VHL: variants seen among roughly 807,000 people sequenced by gnomAD.
VHL encodes von Hippel-Lindau disease tumor suppressor.
VHL carries 10 observed loss-of-function variants against 19.2 expected under a neutral mutation model. That is an observed-to-expected ratio of 0.52 (90% CI 0.32 to 0.89). The LOEUF is 0.89. Ranked by LOEUF, VHL falls within the 40% of genes least tolerant of loss-of-function variation. The probability of loss-of-function intolerance (pLI) is 0.03; values close to 1 mark genes in which losing one functional copy is unlikely to be tolerated. For missense variants in VHL, 328 were observed against 292.7 expected (o/e 1.12, Z -0.88); for synonymous variants, 167 against 129.5 (o/e 1.29, Z -1.97).
In VHL at chr3:10,141,852, C is replaced by G. The variant is rs111246617; in HGVS notation, c.5C>G (p.Pro2Arg). 7 of 1,535,990 alleles carry G rather than the reference C, an allele frequency of 4.6e-6. No individual in the cohort carries two copies. The highest frequency in any genetic ancestry group is 2.3e-4 in the Middle Eastern group (1 of 4,310). M[P>R]RRAENWDEAE... Reference sequence around the variant, plus strand: ...GTGGTCTGGATCGCGGAGGGAATGCCCCGGAGGGCGGAGAACTGGGACGAG... The same window carrying G: ...GTGGTCTGGATCGCGGAGGGAATGCGCCGGAGGGCGGAGAACTGGGACGAG... The change falls in exon 1 of 3, where the codon CCC (proline) becomes CGC (arginine). Residue 2 changes from proline (P) to arginine (R), a missense_variant. Pro to Arg is a moderately radical substitution (Grantham distance 103, BLOSUM62 -2). Coordinates refer to ENST00000256474, the MANE Select transcript of VHL (RefSeq NM_000551.4).
rs1057523911 is a variant in VHL, at chr3:10,149,845, T to G, written c.522T>G (p.Asn174Lys). ...TCCGGAGCCTAGTCAAGCCTGAGAATTACAGGAGACTGGACATCGTCAGGT... is the reference window on the plus strand; with the variant it reads ...TCCGGAGCCTAGTCAAGCCTGAGAAGTACAGGAGACTGGACATCGTCAGGT... ...QVVRSLVKPE[N>K]YRRLDIVRSL... The change falls in exon 3 of 3, where the codon AAT (asparagine) becomes AAG (lysine). Residue 174 changes from asparagine to lysine, a missense_variant. Physicochemically the swap from Asn to Lys is moderately conservative, Grantham distance 94. Transcript: ENST00000256474. The G allele has an allele frequency of 6.2e-7, 1 of 1,614,118 alleles. No individual in the cohort carries two copies. Among genetic ancestry groups the G allele is most frequent in the Non-Finnish European group, 8.5e-7 (1 of 1,180,016 alleles).
In VHL at chr3:10,143,117, A is replaced by AT. The variant is rs35658375; in HGVS notation, c.340+945dup. ...CCCCTAGGAATATGGGGGCACTGAA[A>AT]TTTTTTTTTTTTTTTGAGACGGGAG... On this transcript the variant is annotated intron_variant, in intron 1 of 2. Coordinates refer to ENST00000256474, the MANE Select transcript of VHL (RefSeq NM_000551.4). 5,971 of 146,224 alleles carry AT rather than the reference A, an allele frequency of 0.041. 269 individuals carry two copies. The highest frequency in any genetic ancestry group is 0.11 in the African/African-American group (4,434 of 39,850). 9.1% of individuals were successfully genotyped at this position (146,224 alleles called of 1,614,324 possible).
intron 1 of VHL, among the ~76,000 whole-genome samples, chr3:10,143,975 CA>C (rs1350216631): frequency 6.6e-6 from 1 of 152,136 alleles, no homozygotes; most frequent in Non-Finnish European, 1.5e-5. Context: ...TTAATCTTTA[CA>C]AAGGATTTTT....
chr3:10,151,338 G>C lies in VHL; in HGVS notation c.*1373G>C, dbSNP rs1291318910. On this transcript the variant is annotated 3_prime_UTR_variant, in exon 3 of 3. Transcript: ENST00000256474. ...TTAGATTCATTAACTCAAATTCAATGCTTCTATCAGACTCAGTTTTTTGTA... is the reference window on the plus strand; with the variant it reads ...TTAGATTCATTAACTCAAATTCAATCCTTCTATCAGACTCAGTTTTTTGTA... 1.4e-5 allele frequency: 3 copies of C among 214,662 alleles called. No homozygotes were observed. Among genetic ancestry groups the C allele is most frequent in the Non-Finnish European group, 2.8e-5 (3 of 106,558 alleles). 13.3% of individuals were successfully genotyped at this position (214,662 alleles called of 1,614,324 possible). A position where few individuals can be genotyped will look rare whatever the true frequency, so the allele number is the denominator to read the frequency against.
intron 2 of VHL, among the ~76,000 whole-genome samples, chr3:10,148,783 C>T (rs1642743): frequency 0.58 from 86,799 of 150,742 alleles, 26,921 homozygotes; most frequent in East Asian, 0.79. Flanking sequence ...CGGGTTCAAG[C>T]GATTCTCCTG....
At position 10,152,671 on chromosome 3, in the gene VHL, T is replaced by C. The variant is rs1448578323; in HGVS notation, c.*2706T>C. On this transcript the variant is annotated 3_prime_UTR_variant, in exon 3 of 3. Transcript: ENST00000256474. ...CCATGCCTGGCTAATTTTGTGTTTTTAGTGGAGACGGGGTTTCACCATGTT... is the reference window on the plus strand; with the variant it reads ...CCATGCCTGGCTAATTTTGTGTTTTCAGTGGAGACGGGGTTTCACCATGTT... 6.6e-6 allele frequency among the ~76,000 whole-genome samples: 1 copy of C among 151,286 alleles called. No homozygotes were observed. Among genetic ancestry groups the C allele is most frequent in the African/African-American group, 2.4e-5 (1 of 41,294 alleles).
At chr3:10,142,691 C>T (rs1416691498) in intron 1 of VHL, 2 of 165,012 alleles carry the variant, frequency 1.2e-5, no homozygotes, top group South Asian at 1.3e-4. Flanking sequence ...AAGGTGGCTC[C>T]CCCCAGTCCC....
chr3:10,151,353 A>C lies in VHL; in HGVS notation c.*1388A>C, dbSNP rs1427656218. The C allele has an allele frequency of 4.6e-6, 1 of 215,642 alleles. No homozygotes were observed. Among genetic ancestry groups the C allele is most frequent in the African/African-American group, 2.3e-5 (1 of 44,352 alleles). 13.4% of individuals were successfully genotyped at this position (215,642 alleles called of 1,614,324 possible). A position where few individuals can be genotyped will look rare whatever the true frequency, so the allele number is the denominator to read the frequency against. ...CAAATTCAATGCTTCTATCAGACTC[A>C]GTTTTTTGTAACTAATAGATTTTTT... is the stretch of plus-strand genomic sequence containing the variant. On this transcript the variant is annotated 3_prime_UTR_variant, in exon 3 of 3. Transcript: ENST00000256474.
At chr3:10,148,869 C>T (rs1422593483) in intron 2 of VHL, among the ~76,000 whole-genome samples, 6 of 151,412 alleles carry the variant, frequency 4.0e-5, no homozygotes, top group Non-Finnish European at 5.9e-5. Flanking sequence ...ACGGGGGTTT[C>T]ACCATGTTGA....
At position 10,153,453 on chromosome 3, in the gene VHL, A is replaced by G. The variant is rs1421768720; in HGVS notation, c.*3488A>G. Among the ~76,000 whole-genome samples the G allele has an allele frequency of 1.3e-5, 2 of 152,100 alleles. No homozygotes were observed. Among genetic ancestry groups the G allele is most frequent in the Non-Finnish European group, 2.9e-5 (2 of 68,028 alleles). ...TCAAAAAGAAACCAAAAAAACAAAA[A>G]AAAAACATGCCGTTTGAGTACTGTG... is the stretch of plus-strand genomic sequence containing the variant. On this transcript the variant is annotated 3_prime_UTR_variant, in exon 3 of 3. Transcript: ENST00000256474.
At chr3:10,146,411 T>C in intron 1 of VHL, 103 bp from the exon 2 acceptor site, 24 of 1,500,104 alleles carry the variant, frequency 1.6e-5, no homozygotes, top group Non-Finnish European at 2.2e-5. Flanking sequence ...CCTGACCTCA[T>C]GATCCGCCTG....
chr3:10,150,336 T>C lies in VHL; in HGVS notation c.*371T>C, dbSNP rs1696379005. On this transcript the variant is annotated 3_prime_UTR_variant, in exon 3 of 3. Transcript: ENST00000256474. ...TTGGCATCTGCTTTTAATGGATGTATAATACATCCATTCTACATCCGTAGC... is the reference window on the plus strand; with the variant it reads ...TTGGCATCTGCTTTTAATGGATGTACAATACATCCATTCTACATCCGTAGC... 8.0e-7 allele frequency: 1 copy of C among 1,255,244 alleles called. No individual in the cohort carries two copies. The highest frequency in any genetic ancestry group is 1.5e-5 in the African/African-American group (1 of 66,260). The allele number at this position is 1,255,244 out of a possible 1,614,324, so 77.8% of individuals were successfully genotyped here.
chr3:10,143,756 C>T (rs1011714939), intron 1 of VHL, among the ~76,000 whole-genome samples: 3 of 152,116 alleles, frequency 2.0e-5, no homozygotes, highest in Admixed American at 1.3e-4. Flanking sequence ...AACGTCCGAC[C>T]GAAAGTTTTT....
In VHL at chr3:10,149,879, G is replaced by C. The variant is rs367545984; in HGVS notation, c.556G>C (p.Glu186Gln). 6.2e-7 allele frequency: 1 copy of C among 1,614,168 alleles called. No individual in the cohort carries two copies. Among genetic ancestry groups the C allele is most frequent in the Non-Finnish European group, 8.5e-7 (1 of 1,180,026 alleles). The change falls in exon 3 of 3, where the codon GAA (glutamate) becomes CAA (glutamine). Residue 186 changes from glutamate (E) to glutamine (Q), a missense_variant. Physicochemically the swap from Glu to Gln is conservative, Grantham distance 29. Coordinates refer to ENST00000256474, the MANE Select transcript of VHL (RefSeq NM_000551.4). Reference sequence around the variant, plus strand: ...ACTGGACATCGTCAGGTCGCTCTACGAAGATCTGGAAGACCACCCAAATGT... The same window carrying C: ...ACTGGACATCGTCAGGTCGCTCTACCAAGATCTGGAAGACCACCCAAATGT... ...RRLDIVRSLY[E>Q]DLEDHPNVQK... is the part of the protein sequence containing the mutation.
chr3:10,144,316 A>AAAG (rs1356333466), intron 1 of VHL, among the ~76,000 whole-genome samples: 2 of 150,906 alleles, frequency 1.3e-5, no homozygotes, highest in African/African-American at 4.9e-5. Flanking sequence ...AAAAAAAAAA[A>AAAG]AAATTCTTGA....
intron 1 of VHL, among the ~76,000 whole-genome samples, chr3:10,144,415 A>G (rs533914115): frequency 6.6e-6 from 1 of 151,928 alleles, no homozygotes; most frequent in Admixed American, 6.6e-5. Flanking sequence ...GTTGGAGGCT[A>G]CAGTGAACTA....
rs1696391919 is a variant in VHL at position 10,150,809 on chromosome 3, T to C, written c.*844T>C. The stretch of plus-strand genomic sequence containing the variant: ...TATAGTATTAATGGACAAATAAGTT[T>C]TTGCTAAATGTGAGTATTTCTGTTC... On this transcript the variant is annotated 3_prime_UTR_variant, in exon 3 of 3. Coordinates refer to ENST00000256474, the MANE Select transcript of VHL (RefSeq NM_000551.4). 4.3e-6 allele frequency: 1 copy of C among 232,860 alleles called. No individual in the cohort carries two copies. The highest frequency in any genetic ancestry group is 8.5e-6 in the Non-Finnish European group (1 of 117,888). 14.4% of individuals were successfully genotyped at this position (232,860 alleles called of 1,614,324 possible).
rs776841447 is a variant in VHL at position 10,150,186 on chromosome 3, A to G, written c.*221A>G. On this transcript the variant is annotated 3_prime_UTR_variant, in exon 3 of 3. Transcript: ENST00000256474. ...TAATTTAATGCCTGCCCATTAGAGA[A>G]GTATTTATCAGGAGAAGGTGGTGGC... 26 of 1,400,828 alleles carry G rather than the reference A, an allele frequency of 1.9e-5. No individual in the cohort carries two copies. The highest frequency in any genetic ancestry group is 2.4e-5 in the Non-Finnish European group (26 of 1,075,852). 86.8% of individuals were successfully genotyped at this position (1,400,828 alleles called of 1,614,324 possible).
At chr3:10,142,632 C>A in intron 1 of VHL, 1 of 182,848 alleles carries the variant, frequency 5.5e-6, no homozygotes, top group Admixed American at 5.7e-5. Context: ...GCATGAGCCT[C>A]CGCGCCCGGC....
Sources: gnomAD v4.1 joint callset for allele counts (sites outside exome capture counted in the v4.1 genomes callset) on GRCh38, gnomAD v4.1.1 for gene constraint, MANE v1.5 for transcripts, NCBI Gene and HGNC (gene_info 2026-07-23, HGNC 2026-07-21) for gene names.